TAFA1: variants seen among roughly 807,000 people sequenced by gnomAD.
The protein encoded by TAFA1 is chemokine-like protein TAFA-1.
A neutral mutation model predicts 18.5 loss-of-function variants in TAFA1; 4 were observed. The observed-to-expected ratio is 0.22, with a 90% CI of 0.11 to 0.49. TAFA1 has a LOEUF of 0.49. Ranked by LOEUF, TAFA1 falls within the 20% of genes least tolerant of loss-of-function variation. The pLI, the probability that TAFA1 is intolerant of heterozygous loss-of-function variation, is 0.98. For synonymous variants in TAFA1, 56 were observed against 55.2 expected (o/e 1.01, Z -0.06); for missense variants, 147 against 169.0 (o/e 0.87, Z 0.72).
chr3:68,436,600 C>G (rs2071272202), intron 3 of TAFA1, among the ~76,000 whole-genome samples: 1 of 152,088 alleles, frequency 6.6e-6, no homozygotes, highest in Admixed American at 6.6e-5. Flanking sequence ...AATTGGTCAT[C>G]TAATAATGTA....
intron 2 of TAFA1, among the ~76,000 whole-genome samples, chr3:68,097,716 T>C (rs2065102043): frequency 1.3e-5 from 2 of 152,166 alleles, no homozygotes; most frequent in Non-Finnish European, 2.9e-5. Flanking sequence ...TGGGACTTAG[T>C]GCTCAATAAA....
At chr3:68,523,275 C>T (rs11713541) in intron 3 of TAFA1, among the ~76,000 whole-genome samples, 44,602 of 152,056 alleles carry the variant, frequency 0.29, 6,990 homozygotes, top group South Asian at 0.4. Flanking sequence ...CCTATTTTTC[C>T]CAGAAACCTA....
chr3:68,172,797 T>TA (rs962481601), intron 2 of TAFA1, among the ~76,000 whole-genome samples: 2 of 151,956 alleles, frequency 1.3e-5, no homozygotes, highest in Non-Finnish European at 2.9e-5. Context: ...ATTTATTGAT[T>TA]AAAAAAAAGT....
rs564205437 is a variant in TAFA1 at position 68,444,695 on chromosome 3, G to A, written c.259+27275G>A. Among the ~76,000 whole-genome samples the A allele has an allele frequency of 2.7e-5, 4 of 150,330 alleles. No homozygotes were observed. In the South Asian group the frequency reaches 6.3e-4, roughly 24 times the overall value. On this transcript the variant is annotated intron_variant, in intron 3 of 4. Transcript: ENST00000478136. ...GTGTGTAATCTCAGCACTTTGGGAG[G>A]CCAAGTCAGGAGTATTACTTAAGGC...
chr3:68,537,920 C>T (rs537009258), intron 3 of TAFA1, among the ~76,000 whole-genome samples: 10 of 152,210 alleles, frequency 6.6e-5, no homozygotes, highest in South Asian at 6.2e-4. Context: ...AGGCTGGTCA[C>T]GTGGGAAACC....
chr3:68,505,439 A>T (rs113424507), intron 3 of TAFA1, among the ~76,000 whole-genome samples: 1 of 152,154 alleles, frequency 6.6e-6, no homozygotes, highest in Non-Finnish European at 1.5e-5. Flanking sequence ...TGCAAACCAC[A>T]TTACACAAAT....
At chr3:68,045,779 T>A (rs1033697050) in intron 2 of TAFA1, among the ~76,000 whole-genome samples, 2 of 152,194 alleles carry the variant, frequency 1.3e-5, no homozygotes, top group African/African-American at 4.8e-5. Context: ...TTTAGTCCTT[T>A]TCCACTCTTT....
chr3:68,307,342 T>C (rs1221903866), intron 2 of TAFA1, among the ~76,000 whole-genome samples: 1 of 152,184 alleles, frequency 6.6e-6, no homozygotes, highest in Non-Finnish European at 1.5e-5. Flanking sequence ...GAGAAAGAGA[T>C]AGTTCAAATA....
At chr3:68,080,861 C>T in intron 2 of TAFA1, among the ~76,000 whole-genome samples, 1 of 152,138 alleles carries the variant, frequency 6.6e-6, no homozygotes, top group East Asian at 1.9e-4. Flanking sequence ...CGTTGGCCTA[C>T]CTTGCTAGAT....
intron 2 of TAFA1, among the ~76,000 whole-genome samples, chr3:68,379,776 A>G (rs1383458080): frequency 1.5e-5 from 2 of 129,196 alleles, no homozygotes; most frequent in Non-Finnish European, 3.4e-5. Flanking sequence ...AAATTTTATT[A>G]TTATTATACT....
chr3:68,387,635 C>T (rs1302058990), intron 2 of TAFA1, among the ~76,000 whole-genome samples: 1 of 152,020 alleles, frequency 6.6e-6, no homozygotes, highest in South Asian at 2.1e-4. Context: ...GATTTATTTT[C>T]CCAGATTTTC....
intron 3 of TAFA1, among the ~76,000 whole-genome samples, chr3:68,510,303 T>C (rs1424442705): frequency 6.6e-6 from 1 of 152,120 alleles, no homozygotes; most frequent in Non-Finnish European, 1.5e-5. Flanking sequence ...ATCTCCCCAT[T>C]AGAGCACCTC....
intron 2 of TAFA1, among the ~76,000 whole-genome samples, chr3:68,287,010 A>G (rs766477687): frequency 2.0e-5 from 3 of 152,318 alleles, no homozygotes; most frequent in Middle Eastern, 3.4e-3. Context: ...CCCCGCAGTC[A>G]GCCACAGCAC....
At chr3:68,142,616 T>C (rs1356848474) in intron 2 of TAFA1, among the ~76,000 whole-genome samples, 1 of 152,222 alleles carries the variant, frequency 6.6e-6, no homozygotes, top group Non-Finnish European at 1.5e-5. Flanking sequence ...TAAAGGAAGT[T>C]GGCAAAACCT....
At chr3:68,538,928 A>G (rs774507129) in intron 4 of TAFA1, 48 bp downstream of exon 4, 50 of 1,601,030 alleles carry the variant, frequency 3.1e-5, no homozygotes, top group Non-Finnish European at 4.1e-5. Context: ...AGACTGTACT[A>G]TTTGAGTTTG....
chr3:68,274,643 C>T (rs2067757660), intron 2 of TAFA1, among the ~76,000 whole-genome samples: 1 of 152,112 alleles, frequency 6.6e-6, no homozygotes, highest in Non-Finnish European at 1.5e-5. Flanking sequence ...GTTATAGCAC[C>T]CATAAATCAA....
intron 2 of TAFA1, among the ~76,000 whole-genome samples, chr3:68,282,104 C>G (rs1196065398): frequency 6.6e-6 from 1 of 152,186 alleles, no homozygotes; most frequent in Non-Finnish European, 1.5e-5. Context: ...ATGAAACCAT[C>G]AGATCTCATG....
chr3:68,061,637 G>T (rs1461326986), intron 2 of TAFA1, among the ~76,000 whole-genome samples: 1 of 152,206 alleles, frequency 6.6e-6, no homozygotes, highest in East Asian at 1.9e-4. Flanking sequence ...CAGAATCACA[G>T]GTGCATTTTG....
chr3:68,062,173 C>T (rs1413824724), intron 2 of TAFA1, among the ~76,000 whole-genome samples: 2 of 151,560 alleles, frequency 1.3e-5, no homozygotes, highest in East Asian at 2.0e-4. Context: ...TCAAACCAAG[C>T]TATTTCTGGG....
Sources: gnomAD v4.1 joint callset for allele counts (sites outside exome capture counted in the v4.1 genomes callset) on GRCh38, gnomAD v4.1.1 for gene constraint, MANE v1.5 for transcripts, NCBI Gene and HGNC (gene_info 2026-07-23, HGNC 2026-07-21) for gene names.